The following ST7 variants were observed in gnomAD, a reference collection of about 807,000 sequenced individuals.
ST7 encodes the protein suppressor of tumorigenicity 7 protein.
A neutral mutation model predicts 78.7 loss-of-function variants in ST7; 28 were observed. That is an observed-to-expected ratio of 0.36 (90% CI 0.26 to 0.49). The LOEUF (loss-of-function observed/expected upper bound fraction) is 0.49, where lower values mean the gene tolerates loss of function less well. Ranked by LOEUF, ST7 falls within the 20% of genes least tolerant of loss-of-function variation. ST7 has a pLI of 0.99. For missense variants in ST7, 418 were observed against 696.0 expected (o/e 0.60, Z 4.49); for synonymous variants, 247 against 249.6 (o/e 0.99, Z 0.10).
chr7:117,082,995 G>A (rs975269065), intron 1 of ST7, among the ~76,000 whole-genome samples: 4 of 152,142 alleles, frequency 2.6e-5, no homozygotes, highest in African/African-American at 9.6e-5. Context: ...TTTCAGCACA[G>A]TTTAGGAATT....
chr7:117,172,911 A>G (rs772942731), intron 10 of ST7, among the ~76,000 whole-genome samples: 7 of 152,264 alleles, frequency 4.6e-5, no homozygotes, highest in African/African-American at 7.2e-5. Context: ...TACAGAAATC[A>G]TCAGCCTCGT....
At chr7:117,088,201 C>T (rs1046029773) in intron 1 of ST7, among the ~76,000 whole-genome samples, 6 of 152,170 alleles carry the variant, frequency 3.9e-5, no homozygotes, top group African/African-American at 9.7e-5. Context: ...TTCTCTAACC[C>T]TCCTAGCTGG....
At chr7:117,057,929 G>A (rs1490232537) in intron 1 of ST7, among the ~76,000 whole-genome samples, 2 of 152,132 alleles carry the variant, frequency 1.3e-5, no homozygotes, top group Admixed American at 6.5e-5. Context: ...TCCTACCTGA[G>A]TGGGATGTTT....
intron 4 of ST7, 64 bp downstream of exon 4, chr7:117,129,911 T>C (rs139001773): frequency 1.5e-6 from 2 of 1,367,664 alleles, no homozygotes; most frequent in African/African-American, 2.9e-5. Context: ...CAGCAGCAAA[T>C]GTTTTTGCTG....
chr7:117,032,048 ATTTTTGTAT>A (rs1796627395), intron 1 of ST7, among the ~76,000 whole-genome samples: 1 of 151,514 alleles, frequency 6.6e-6, no homozygotes, highest in Non-Finnish European at 1.5e-5. Flanking sequence ...CGTGTGGCTA[ATTTTTGTAT>A]TTTTAGTAGA....
intron 1 of ST7, among the ~76,000 whole-genome samples, chr7:117,043,878 G>A (rs1797357186): frequency 6.6e-6 from 1 of 152,126 alleles, no homozygotes; most frequent in Non-Finnish European, 1.5e-5. Context: ...TGCCTGTTTT[G>A]CCTGAAGATG....
At chr7:117,049,190 A>G (rs1056034219) in intron 1 of ST7, among the ~76,000 whole-genome samples, 3 of 152,232 alleles carry the variant, frequency 2.0e-5, no homozygotes, top group African/African-American at 7.2e-5. Flanking sequence ...TGCACTGAAC[A>G]GTAGAAGTCG....
At chr7:117,152,233 A>C in intron 9 of ST7, among the ~76,000 whole-genome samples, 1 of 121,866 alleles carries the variant, frequency 8.2e-6, no homozygotes, top group Non-Finnish European at 1.7e-5. Flanking sequence ...ACCATGAACA[A>C]ATCTTTAGTT....
intron 9 of ST7, among the ~76,000 whole-genome samples, chr7:117,164,927 C>G (rs554552751): frequency 9.9e-4 from 150 of 152,196 alleles, no homozygotes; most frequent in African/African-American, 3.4e-3. Flanking sequence ...TCTTCTGGCT[C>G]TCACTTTCTA....
At chr7:117,148,531 G>A (rs910374284) in intron 9 of ST7, among the ~76,000 whole-genome samples, 5 of 151,888 alleles carry the variant, frequency 3.3e-5, no homozygotes, top group African/African-American at 7.3e-5. Flanking sequence ...CTTTTTTTGA[G>A]CGTGTGTGCT....
intron 1 of ST7, among the ~76,000 whole-genome samples, chr7:117,001,422 C>T (rs961257281): frequency 3.3e-5 from 5 of 152,136 alleles, no homozygotes; most frequent in African/African-American, 1.2e-4. Flanking sequence ...GCTCAGGTGT[C>T]CATTTTCATG....
chr7:117,177,714 C>T (rs1220092297), intron 10 of ST7, among the ~76,000 whole-genome samples: 2 of 152,090 alleles, frequency 1.3e-5, no homozygotes, highest in African/African-American at 4.8e-5. Context: ...TTTTGAGATT[C>T]TTGTATATCA....
intron 1 of ST7, among the ~76,000 whole-genome samples, chr7:117,043,500 AC>A (rs1408150503): frequency 7.2e-5 from 11 of 152,242 alleles, no homozygotes; most frequent in African/African-American, 2.4e-4. Context: ...ACTTGATTAA[AC>A]ATAAATTACT....
chr7:117,004,467 C>T (rs1270219753), intron 1 of ST7, among the ~76,000 whole-genome samples: 1 of 152,080 alleles, frequency 6.6e-6, no homozygotes, highest in Non-Finnish European at 1.5e-5. Context: ...TCGAGACCAG[C>T]CTGGCTAACA....
intron 1 of ST7, among the ~76,000 whole-genome samples, chr7:117,013,101 A>G (rs1795452064): frequency 6.6e-6 from 1 of 152,248 alleles, no homozygotes; most frequent in South Asian, 2.1e-4. Flanking sequence ...TTAAAAATCC[A>G]TGCTAACTAC....
intron 9 of ST7, among the ~76,000 whole-genome samples, chr7:117,138,926 A>G (rs1390895878): frequency 1.3e-5 from 2 of 152,148 alleles, no homozygotes; most frequent in African/African-American, 4.8e-5. Flanking sequence ...CATGTTAGCA[A>G]ACTGATTTTT....
intron 1 of ST7, among the ~76,000 whole-genome samples, chr7:117,089,499 A>AAAAC (rs1800418341): frequency 1.3e-5 from 2 of 151,814 alleles, no homozygotes; most frequent in Non-Finnish European, 1.5e-5. Context: ...CAAAACAAAA[A>AAAAC]AAAACCTGTG....
At chr7:116,988,783 A>AT (rs1794295367) in intron 1 of ST7, among the ~76,000 whole-genome samples, 1 of 152,242 alleles carries the variant, frequency 6.6e-6, no homozygotes, top group Non-Finnish European at 1.5e-5. Context: ...TGTTACTTGA[A>AT]TTGACTATCC....
intron 12 of ST7, among the ~76,000 whole-genome samples, chr7:117,199,382 G>C (rs1810609960): frequency 6.6e-6 from 1 of 152,122 alleles, no homozygotes. Flanking sequence ...GAGTTGGTAA[G>C]GCTCTCATGC....
Sources: gnomAD v4.1 joint callset for allele counts (sites outside exome capture counted in the v4.1 genomes callset) on GRCh38, gnomAD v4.1.1 for gene constraint, MANE v1.5 for transcripts, NCBI Gene and HGNC (gene_info 2026-07-23, HGNC 2026-07-21) for gene names.